RETREG1: variants seen among roughly 807,000 people sequenced by gnomAD.
The protein encoded by RETREG1 is family with sequence similarity 134 member B.
A neutral mutation model predicts 54.8 loss-of-function variants in RETREG1; 44 were observed. That is an observed-to-expected ratio of 0.80 (90% CI 0.63 to 1.03). The LOEUF is 1.03. Ranked by LOEUF, RETREG1 falls within the 50% of genes least tolerant of loss-of-function variation. RETREG1 has a pLI of 0.00. For missense variants in RETREG1, 554 were observed against 605.1 expected, an observed-to-expected ratio of 0.92 and a Z score of 0.89; for synonymous variants, 217 against 238.5, an observed-to-expected ratio of 0.91 and a Z score of 0.83.
chr5:16,504,098 C>T (rs375902842), intron 3 of RETREG1, among the ~76,000 whole-genome samples: 7 of 152,128 alleles, frequency 4.6e-5, no homozygotes, highest in African/African-American at 1.7e-4. Flanking sequence ...TGTTCCCCTC[C>T]GTGTGTCCAC....
intron 3 of RETREG1, among the ~76,000 whole-genome samples, chr5:16,505,415 C>G (rs1034192320): frequency 6.6e-6 from 1 of 151,856 alleles, no homozygotes; most frequent in African/African-American, 2.4e-5. Context: ...TTTTTTTCAC[C>G]TTGGGGTCTG....
At chr5:16,582,980 T>C (rs974212621) in intron 1 of RETREG1, among the ~76,000 whole-genome samples, 8 of 152,156 alleles carry the variant, frequency 5.3e-5, no homozygotes, top group Non-Finnish European at 1.0e-4. Flanking sequence ...GAGCATTCCA[T>C]ACCCACATGG....
chr5:16,511,678 G>A (rs1740179613), intron 3 of RETREG1, among the ~76,000 whole-genome samples: 1 of 152,138 alleles, frequency 6.6e-6, no homozygotes, highest in African/African-American at 2.4e-5. Flanking sequence ...ACCTAAGACT[G>A]GGTAATTTAT....
chr5:16,613,933 G>T (rs1450958512), intron 1 of RETREG1, among the ~76,000 whole-genome samples: 1 of 152,086 alleles, frequency 6.6e-6, no homozygotes, highest in Non-Finnish European at 1.5e-5. Flanking sequence ...AAATTTTAAT[G>T]ACATTAATAA....
chr5:16,501,866 C>A (rs1739730626), intron 3 of RETREG1, among the ~76,000 whole-genome samples: 1 of 149,786 alleles, frequency 6.7e-6, no homozygotes, highest in African/African-American at 2.5e-5. Flanking sequence ...TTTTTAAGAG[C>A]ACAAGAGAGC....
intron 1 of RETREG1, among the ~76,000 whole-genome samples, chr5:16,588,032 C>T (rs971999051): frequency 6.6e-6 from 1 of 152,146 alleles, no homozygotes; most frequent in Non-Finnish European, 1.5e-5. Context: ...GTCCAGACCC[C>T]CCTCCCCACT....
chr5:16,586,932 C>T lies in RETREG1; in HGVS notation c.321-14830G>A, dbSNP rs117773841. On this transcript the variant is annotated intron_variant, in intron 1 of 8. Coordinates refer to ENST00000306320, the MANE Select transcript of RETREG1 (RefSeq NM_001034850.3). The stretch of plus-strand genomic sequence containing the variant: ...ATGGCAACTTCTCATTGTGTTCTCA[C>T]GTGGTAGAAGGGGCAAAAGATCTCT... 1.8e-4 allele frequency among the ~76,000 whole-genome samples: 27 copies of T among 152,292 alleles called. No homozygotes were observed. The East Asian group carries it at 5.0e-3, about 28-fold the overall frequency.
At chr5:16,522,587 T>C (rs574878556) in intron 3 of RETREG1, among the ~76,000 whole-genome samples, 38 of 152,316 alleles carry the variant, frequency 2.5e-4, no homozygotes, top group African/African-American at 9.1e-4. Flanking sequence ...CCAGTAAGAC[T>C]TTCATGGTGT....
At chr5:16,559,344 G>A (rs1741794239) in intron 3 of RETREG1, among the ~76,000 whole-genome samples, 1 of 152,158 alleles carries the variant, frequency 6.6e-6, no homozygotes, top group Admixed American at 6.5e-5. Flanking sequence ...GCTGGCTCTG[G>A]AAAGACTGAC....
At chr5:16,527,162 C>T (rs1278703519) in intron 3 of RETREG1, among the ~76,000 whole-genome samples, 2 of 152,190 alleles carry the variant, frequency 1.3e-5, no homozygotes, top group Non-Finnish European at 2.9e-5. Context: ...TCAGAATTTG[C>T]TTCCTGGAAA....
intron 3 of RETREG1, among the ~76,000 whole-genome samples, chr5:16,510,297 G>C (rs1316620913): frequency 6.6e-6 from 1 of 152,116 alleles, no homozygotes; most frequent in Non-Finnish European, 1.5e-5. Context: ...GATGAACTGG[G>C]TGTGGTTACT....
At chr5:16,568,424 A>T (rs1742080247) in intron 2 of RETREG1, among the ~76,000 whole-genome samples, 1 of 152,048 alleles carries the variant, frequency 6.6e-6, no homozygotes, top group Non-Finnish European at 1.5e-5. Context: ...GGTGCCCACC[A>T]CCACGCCCGG....
intron 2 of RETREG1, among the ~76,000 whole-genome samples, chr5:16,571,786 A>G (rs546670459): frequency 9.5e-4 from 145 of 152,306 alleles, no homozygotes; most frequent in Admixed American, 4.6e-3. Flanking sequence ...TAAGACCAAG[A>G]GAAAAACCAG....
At chr5:16,546,179 T>C (rs943094537) in intron 3 of RETREG1, among the ~76,000 whole-genome samples, 4 of 152,216 alleles carry the variant, frequency 2.6e-5, no homozygotes, top group Admixed American at 2.6e-4. Context: ...ATATCTTTTT[T>C]TTTTCTTACA....
intron 3 of RETREG1, among the ~76,000 whole-genome samples, chr5:16,555,994 C>A (rs1014231427): frequency 6.6e-6 from 1 of 152,014 alleles, no homozygotes; most frequent in Non-Finnish European, 1.5e-5. Flanking sequence ...ATGAACTTCA[C>A]GCATTTCAAA....
intron 2 of RETREG1, among the ~76,000 whole-genome samples, chr5:16,566,383 A>G (rs1046791033): frequency 1.6e-5 from 2 of 126,716 alleles, no homozygotes; most frequent in African/African-American, 5.6e-5. Context: ...ACACACACAC[A>G]CATATATACA....
intron 1 of RETREG1, among the ~76,000 whole-genome samples, chr5:16,607,215 A>T (rs1375660985): frequency 6.6e-6 from 1 of 151,254 alleles, no homozygotes; most frequent in Non-Finnish European, 1.5e-5. Flanking sequence ...TGTTTATTGT[A>T]TTTTTTTTTA....
Position 16,577,831 on chromosome 5 carries a change from T to C in RETREG1, c.321-5729A>G, listed in dbSNP as rs1219828473. On this transcript the variant is annotated intron_variant, in intron 1 of 8. Coordinates refer to ENST00000306320, the MANE Select transcript of RETREG1 (RefSeq NM_001034850.3). ...TTTTGTCAGGGGAAACCCCTTTTGC[T>C]TAGCTCTCATTCTCTCTTGCCTGCC... 2.6e-5 allele frequency among the ~76,000 whole-genome samples: 4 copies of C among 152,290 alleles called. No individual in the cohort carries two copies. The East Asian group carries it at 7.7e-4, about 29-fold the overall frequency.
At chr5:16,521,311 T>C (rs1740525972) in intron 3 of RETREG1, among the ~76,000 whole-genome samples, 1 of 152,184 alleles carries the variant, frequency 6.6e-6, no homozygotes, top group Non-Finnish European at 1.5e-5. Flanking sequence ...GTTTAAACAC[T>C]TGTAAAAACC....
Sources: allele counts gnomAD v4.1 joint callset (sites outside exome capture counted in the v4.1 genomes callset), GRCh38; gene constraint gnomAD v4.1.1; transcripts MANE v1.5; gene names NCBI Gene and HGNC (gene_info 2026-07-23, HGNC 2026-07-21).